Variants in KLF8 observed in about 807,000 individuals in gnomAD.
KLF8 encodes KLF transcription factor 8.
Under a neutral mutation model 18.2 loss-of-function variants are expected in KLF8, and 10 were observed. The observed-to-expected ratio is 0.55, with a 90% CI of 0.34 to 0.93. The LOEUF (loss-of-function observed/expected upper bound fraction) is 0.93. Ranked by LOEUF, KLF8 falls within the 40% of genes least tolerant of loss-of-function variation. The pLI is 0.02. For synonymous variants in KLF8, 109 were observed against 97.3 expected (o/e 1.12, Z -0.71); for missense variants, 264 against 277.9 (o/e 0.95, Z 0.36).
the KLF8 span, among the ~76,000 whole-genome samples, chrX:56,202,269 T>G: frequency 9.1e-6 from 1 of 110,420 alleles, no homozygotes; most frequent in African/African-American, 3.3e-5. Flanking sequence ...GTTTGTTGGG[T>G]TTTTTTGTTT....
the KLF8 span, among the ~76,000 whole-genome samples, chrX:55,939,706 C>A: frequency 1.8e-5 from 2 of 111,391 alleles, no homozygotes; most frequent in African/African-American, 6.5e-5. Flanking sequence ...CACCACTGAG[C>A]CCACAGAAAT....
At chrX:56,198,107 T>C in the KLF8 span, among the ~76,000 whole-genome samples, 2 of 111,809 alleles carry the variant, frequency 1.8e-5, no homozygotes, top group Admixed American at 9.5e-5. Context: ...TAAGAGATAT[T>C]TAGGACAAAC....
chrX:56,041,783 G>T, the KLF8 span, among the ~76,000 whole-genome samples: 6 of 111,105 alleles, frequency 5.4e-5, no homozygotes, highest in African/African-American at 2.0e-4. Context: ...TCCACCTCTT[G>T]GGTTCAAGGG....
At chrX:56,250,189 G>A (rs368687136) in intron 1 of KLF8, 42 bp from the exon 2 acceptor site, 19 of 1,027,188 alleles carry the variant, frequency 1.8e-5, no homozygotes, top group African/African-American at 1.9e-5. Context: ...TAGTGGGTTA[G>A]ATTTTATTCT....
chrX:55,934,091 G>T, the KLF8 span, among the ~76,000 whole-genome samples: 11 of 112,037 alleles, frequency 9.8e-5, no homozygotes, highest in Non-Finnish European at 3.8e-5. Flanking sequence ...TTTAGAAATT[G>T]TATACAGTTT....
chrX:56,154,520 T>G, the KLF8 span, among the ~76,000 whole-genome samples: 11,745 of 111,191 alleles, frequency 0.11, 1,093 homozygotes, highest in African/African-American at 0.3. Context: ...AACCTAGGCA[T>G]TACCATTCAG....
At chrX:56,066,225 C>A in the KLF8 span, among the ~76,000 whole-genome samples, 1 of 111,974 alleles carries the variant, frequency 8.9e-6, no homozygotes, top group Non-Finnish European at 1.9e-5. Flanking sequence ...CAGCTGCAGT[C>A]GTGGCATGTT....
chrX:56,130,196 C>G, the KLF8 span, among the ~76,000 whole-genome samples: 1 of 111,463 alleles, frequency 9.0e-6, no homozygotes, highest in Non-Finnish European at 1.9e-5. Flanking sequence ...TGGCAGGAGG[C>G]CAACCAGCAC....
the KLF8 span, among the ~76,000 whole-genome samples, chrX:56,105,125 T>C: frequency 9.0e-6 from 1 of 111,696 alleles, no homozygotes; most frequent in Non-Finnish European, 1.9e-5. Flanking sequence ...GAGGAGTGCT[T>C]TACTTCCAAT....
chrX:55,969,263 C>A, the KLF8 span, among the ~76,000 whole-genome samples: 1 of 111,925 alleles, frequency 8.9e-6, no homozygotes, highest in East Asian at 2.8e-4. Context: ...CTTCTGTGAT[C>A]ACAATGGAAT....
chrX:56,238,426 G>A (rs2066504752), intron 1 of KLF8, among the ~76,000 whole-genome samples: 1 of 110,509 alleles, frequency 9.0e-6, no homozygotes, highest in African/African-American at 3.3e-5. Flanking sequence ...AGTGAGCCGA[G>A]ATCACACCAT....
At chrX:56,144,713 A>G in the KLF8 span, among the ~76,000 whole-genome samples, 12 of 102,168 alleles carry the variant, frequency 1.2e-4, no homozygotes, top group Admixed American at 4.2e-4. Flanking sequence ...AGATGGTGCC[A>G]CTGCACTCCA....
chrX:56,058,159 C>CATATAT, the KLF8 span, among the ~76,000 whole-genome samples: 167 of 79,765 alleles, frequency 2.1e-3, no homozygotes, highest in African/African-American at 8.3e-3. Context: ...CAGTGTTGGG[C>CATATAT]ATATATATAT....
chrX:55,958,607 C>T, the KLF8 span, among the ~76,000 whole-genome samples: 2 of 111,749 alleles, frequency 1.8e-5, no homozygotes, highest in African/African-American at 6.5e-5. Context: ...TGGAGATATG[C>T]TTCATTCAAT....
At chrX:56,245,677 T>C (rs977401155) in intron 1 of KLF8, among the ~76,000 whole-genome samples, 6 of 112,373 alleles carry the variant, frequency 5.3e-5, no homozygotes, top group African/African-American at 1.9e-4. Flanking sequence ...TACCTCAAGT[T>C]GGTAATTTGC....
the KLF8 span, among the ~76,000 whole-genome samples, chrX:56,139,209 T>A: frequency 1.8e-5 from 2 of 111,965 alleles, no homozygotes; most frequent in Admixed American, 9.5e-5. Context: ...GAATCAATAT[T>A]GTTAATGTGG....
At chrX:56,199,685 G>A in the KLF8 span, among the ~76,000 whole-genome samples, 2 of 111,534 alleles carry the variant, frequency 1.8e-5, no homozygotes, top group South Asian at 7.5e-4. Context: ...ATTTTTCAAG[G>A]ATCTAGAACT....
At chrX:56,176,956 G>T in the KLF8 span, among the ~76,000 whole-genome samples, 1 of 111,527 alleles carries the variant, frequency 9.0e-6, no homozygotes, top group East Asian at 2.8e-4. Context: ...AGCTCCATCA[G>T]GTCCTTTAAG....
the KLF8 span, among the ~76,000 whole-genome samples, chrX:55,969,589 C>T: frequency 2.7e-5 from 3 of 110,690 alleles, no homozygotes; most frequent in Non-Finnish European, 5.7e-5. Context: ...GAAGAGATAA[C>T]AAAGAGCGGA....
Sources: allele counts gnomAD v4.1 joint callset (sites outside exome capture counted in the v4.1 genomes callset), GRCh38; gene constraint gnomAD v4.1.1; transcripts MANE v1.5; gene names NCBI Gene and HGNC (gene_info 2026-07-23, HGNC 2026-07-21).